The following AFG1L variants were observed in gnomAD, a reference collection of about 807,000 sequenced individuals.
The protein encoded by AFG1L is AFG1 like ATPase.
AFG1L carries 53 observed loss-of-function variants against 62.2 expected under a neutral mutation model. The ratio of observed to expected loss-of-function variants is 0.85; its 90% confidence interval spans 0.68 to 1.07. The LOEUF (loss-of-function observed/expected upper bound fraction) is 1.07. Ranked by LOEUF, AFG1L falls within the 50% of genes least tolerant of loss-of-function variation. AFG1L has a pLI of 0.00. For missense variants in AFG1L, 555 were observed against 590.5 expected (o/e 0.94, Z 0.62); for synonymous variants, 228 against 210.3 (o/e 1.08, Z -0.73).
intron 10 of AFG1L, among the ~76,000 whole-genome samples, chr6:108,495,533 G>A (rs964240513): frequency 6.6e-6 from 1 of 152,200 alleles, no homozygotes; most frequent in African/African-American, 2.4e-5. Context: ...GGTAATGCTC[G>A]TGCATTTCAC....
At chr6:108,312,654 C>T (rs1777456635) in intron 1 of AFG1L, among the ~76,000 whole-genome samples, 2 of 152,206 alleles carry the variant, frequency 1.3e-5, no homozygotes. Flanking sequence ...GCCCCATATT[C>T]CCTTTGCTAT....
chr6:108,429,167 T>G (rs1262640585), intron 7 of AFG1L, among the ~76,000 whole-genome samples: 1 of 152,156 alleles, frequency 6.6e-6, no homozygotes, highest in Non-Finnish European at 1.5e-5. Flanking sequence ...TTGAATAGTG[T>G]GTCCTTTCCC....
At chr6:108,458,089 T>G (rs950058743) in intron 8 of AFG1L, among the ~76,000 whole-genome samples, 1 of 152,298 alleles carries the variant, frequency 6.6e-6, no homozygotes, top group East Asian at 1.9e-4. Context: ...TTTATCTTGG[T>G]TTTAAACAGT....
At chr6:108,303,928 C>T (rs188843615) in intron 1 of AFG1L, among the ~76,000 whole-genome samples, 8 of 152,082 alleles carry the variant, frequency 5.3e-5, no homozygotes, top group African/African-American at 1.9e-4. Flanking sequence ...CTGGGCCATG[C>T]CTGTAATTAC....
intron 6 of AFG1L, among the ~76,000 whole-genome samples, chr6:108,374,992 C>T (rs1177173932): frequency 6.6e-6 from 1 of 152,004 alleles, no homozygotes; most frequent in African/African-American, 2.4e-5. Flanking sequence ...TTCTTTGTGT[C>T]GTCTATGTCT....
chr6:108,376,670 T>C (rs1423141978), intron 6 of AFG1L, among the ~76,000 whole-genome samples: 1 of 152,196 alleles, frequency 6.6e-6, no homozygotes, highest in Non-Finnish European at 1.5e-5. Context: ...TTATCAAGAC[T>C]TGCTTTATGA....
Position 108,323,832 on chromosome 6 carries a change from G to A in AFG1L, c.147G>A (p.Thr49=), listed in dbSNP as rs377180262. The change falls in exon 2 of 13, where the codon ACG becomes ACA. Residue 49 remains threonine, a synonymous_variant. Transcript: ENST00000368977. ...TTATGTTTTTGTTTATAGCCTATACGGTTCAGACATCCGAGAGCATGACCC... is the reference window on the plus strand; with the variant it reads ...TTATGTTTTTGTTTATAGCCTATACAGTTCAGACATCCGAGAGCATGACCC... ...APGKPFWKAY[T]VQTSESMTPT... 3.7e-5 allele frequency: 59 copies of A among 1,613,036 alleles called. No homozygotes were observed. Among genetic ancestry groups the A allele is most frequent in the Non-Finnish European group, 4.7e-5 (55 of 1,179,164 alleles).
chr6:108,449,741 T>C (rs1168721549), intron 8 of AFG1L, among the ~76,000 whole-genome samples: 1 of 152,128 alleles, frequency 6.6e-6, no homozygotes, highest in Non-Finnish European at 1.5e-5. Flanking sequence ...CCTAATGCTA[T>C]CCCTTCCCCC....
intron 8 of AFG1L, among the ~76,000 whole-genome samples, chr6:108,472,848 G>A (rs922241077): frequency 4.0e-5 from 6 of 149,354 alleles, no homozygotes; most frequent in African/African-American, 7.4e-5. Flanking sequence ...CTGTAGCCCA[G>A]GCTGGAGTCC....
At chr6:108,369,759 C>T (rs922267949) in intron 6 of AFG1L, among the ~76,000 whole-genome samples, 4 of 152,122 alleles carry the variant, frequency 2.6e-5, no homozygotes, top group Non-Finnish European at 5.9e-5. Context: ...CAGGCACCCA[C>T]CACCATGCCC....
chr6:108,478,721 G>C (rs1219539431), intron 10 of AFG1L, among the ~76,000 whole-genome samples: 1 of 152,158 alleles, frequency 6.6e-6, no homozygotes, highest in Non-Finnish European at 1.5e-5. Flanking sequence ...GCAGAAGAGG[G>C]GAACGGGAAA....
intron 7 of AFG1L, among the ~76,000 whole-genome samples, chr6:108,445,519 A>C (rs1244451325): frequency 6.6e-6 from 1 of 152,064 alleles, no homozygotes; most frequent in African/African-American, 2.4e-5. Context: ...CTTTTGGTTG[A>C]GAGTGAGAGA....
At chr6:108,471,076 G>A (rs1772870446) in intron 8 of AFG1L, among the ~76,000 whole-genome samples, 1 of 152,056 alleles carries the variant, frequency 6.6e-6, no homozygotes, top group South Asian at 2.1e-4. Context: ...CATCTTGGTC[G>A]ACCATGAGGA....
At chr6:108,358,223 C>T (rs1040225275) in intron 5 of AFG1L, among the ~76,000 whole-genome samples, 2 of 152,146 alleles carry the variant, frequency 1.3e-5, no homozygotes, top group Non-Finnish European at 2.9e-5. Flanking sequence ...TCTTGATTTT[C>T]CATTACTAGC....
intron 6 of AFG1L, among the ~76,000 whole-genome samples, chr6:108,379,259 C>CT (rs578225937): frequency 6.0e-4 from 92 of 152,212 alleles, no homozygotes; most frequent in African/African-American, 2.1e-3. Flanking sequence ...ATCCGTCCAC[C>CT]TTAGCCTCCC....
rs181986926 is a variant in AFG1L at position 108,486,606 on chromosome 6, G to A, written c.1062+9314G>A. On this transcript the variant is annotated intron_variant, in intron 10 of 12. Coordinates refer to ENST00000368977, the MANE Select transcript of AFG1L (RefSeq NM_145315.5). ...ATTATAAGATTTTCACATATTTTAG[G>A]GTTAAATATTACTTCATTCTTTTCT... is the stretch of plus-strand genomic sequence containing the variant. 1.6e-3 allele frequency among the ~76,000 whole-genome samples: 238 copies of A among 152,048 alleles called. 2 individuals are homozygous for A. The highest frequency in any genetic ancestry group is 1.9e-3 in the Non-Finnish European group (128 of 67,988).
intron 8 of AFG1L, among the ~76,000 whole-genome samples, chr6:108,463,286 CAAAAAA>C (rs56937746): frequency 7.4e-5 from 3 of 40,524 alleles, no homozygotes; most frequent in Admixed American, 5.5e-4. Flanking sequence ...GAGACTCTGT[CAAAAAA>C]AAAAAAAAAA....
intron 2 of AFG1L, among the ~76,000 whole-genome samples, chr6:108,328,842 G>A (rs933800756): frequency 3.9e-5 from 6 of 152,050 alleles, no homozygotes; most frequent in East Asian, 3.8e-4. Flanking sequence ...GTATTTTCCC[G>A]TATGTCCACC....
At chr6:108,340,584 C>T (rs935702200) in intron 2 of AFG1L, among the ~76,000 whole-genome samples, 2 of 152,036 alleles carry the variant, frequency 1.3e-5, no homozygotes, top group African/African-American at 2.4e-5. Context: ...AGGCTGGTCT[C>T]GAACTCCTGA....
Sources: allele counts gnomAD v4.1 joint callset (sites outside exome capture counted in the v4.1 genomes callset), GRCh38; gene constraint gnomAD v4.1.1; transcripts MANE v1.5; gene names NCBI Gene and HGNC (gene_info 2026-07-23, HGNC 2026-07-21).